LEPR: variants seen among roughly 807,000 people sequenced by gnomAD.
LEPR encodes the protein OB receptor.
Under a neutral mutation model 114.7 loss-of-function variants are expected in LEPR, and 56 were observed. That is an observed-to-expected ratio of 0.49 (90% CI 0.39 to 0.61). LEPR has a LOEUF of 0.61. LEPR is among the 20% of genes least tolerant of loss of function. LEPR has a pLI of 0.00. For missense variants in LEPR, 1,202 were observed against 1,352.9 expected (o/e 0.89, Z 1.75); for synonymous variants, 443 against 461.4 (o/e 0.96, Z 0.51).
At chr1:65,502,991 G>A (rs768475547) in intron 2 of LEPR, among the ~76,000 whole-genome samples, 9 of 151,868 alleles carry the variant, frequency 5.9e-5, no homozygotes, top group Non-Finnish European at 1.3e-4. Context: ...GGGTATGGAT[G>A]AGGGAGGGAG....
At chr1:65,500,403 C>A (rs974320591) in intron 2 of LEPR, among the ~76,000 whole-genome samples, 3 of 152,080 alleles carry the variant, frequency 2.0e-5, no homozygotes, top group South Asian at 4.1e-4. Flanking sequence ...ATACAGTTGA[C>A]CCTTAAACAA....
intron 2 of LEPR, among the ~76,000 whole-genome samples, chr1:65,459,751 A>G (rs1325487033): frequency 6.6e-6 from 1 of 152,176 alleles, no homozygotes; most frequent in Non-Finnish European, 1.5e-5. Flanking sequence ...AGCACCTATA[A>G]TGATTTACTC....
rs758004358 is a variant in LEPR at position 65,592,783 on chromosome 1, C to T, written c.621C>T (p.Asp207=). 10 of 1,613,278 alleles carry T rather than the reference C, an allele frequency of 6.2e-6. No homozygotes were observed. The highest frequency in any genetic ancestry group is 8.5e-6 in the Non-Finnish European group (10 of 1,179,512). ...CTGTGCCAACAGCCAAACTCAACGA[C>T]ACTCTCCTTATGTGTTTGAAAATCA... ...LVPVPTAKLN[D]TLLMCLKITS... Residue 207 remains aspartate (D), a synonymous_variant, in exon 6 of 20, where the codon GAC becomes GAT. Coordinates refer to ENST00000349533, the MANE Select transcript of LEPR (RefSeq NM_002303.6).
chr1:65,559,952 A>G (rs1414477499), intron 2 of LEPR, among the ~76,000 whole-genome samples: 1 of 145,792 alleles, frequency 6.9e-6, no homozygotes, highest in Non-Finnish European at 1.5e-5. Flanking sequence ...TGGTTACTGT[A>G]GCCTTGTAGT....
chr1:65,593,644 T>A (rs1655854552), intron 6 of LEPR, among the ~76,000 whole-genome samples: 1 of 152,104 alleles, frequency 6.6e-6, no homozygotes, highest in African/African-American at 2.4e-5. Context: ...CTGATACAAT[T>A]TTCCATACAA....
intron 16 of LEPR, 127 bp downstream of exon 16, chr1:65,618,273 T>C (rs1657650997): frequency 1.4e-6 from 1 of 708,906 alleles, no homozygotes; most frequent in African/African-American, 1.8e-5. Flanking sequence ...TCCTAATACA[T>C]ATAATCCTAT....
intron 2 of LEPR, among the ~76,000 whole-genome samples, chr1:65,508,378 A>G (rs1648865046): frequency 2.0e-5 from 3 of 152,134 alleles, no homozygotes; most frequent in African/African-American, 2.4e-5. Flanking sequence ...GGATAAGGTA[A>G]TGGTACATTT....
At chr1:65,591,257 T>C (rs1260825170) in intron 5 of LEPR, among the ~76,000 whole-genome samples, 2 of 152,126 alleles carry the variant, frequency 1.3e-5, no homozygotes, top group Non-Finnish European at 2.9e-5. Flanking sequence ...TGGTCTTCCT[T>C]GGTAAATGCT....
intron 2 of LEPR, among the ~76,000 whole-genome samples, chr1:65,429,651 A>G (rs1391028414): frequency 1.3e-5 from 2 of 152,210 alleles, no homozygotes; most frequent in Non-Finnish European, 2.9e-5. Context: ...GTGGCTTCTT[A>G]ACACAATATA....
chr1:65,592,537 TACCC>T (rs1281876117), intron 5 of LEPR, 116 bp from the exon 6 acceptor site: 4 of 959,300 alleles, frequency 4.2e-6, no homozygotes, highest in Admixed American at 2.8e-5. Context: ...TTTTTTCAGA[TACCC>T]TTTAAGCTGG....
chr1:65,601,984 G>C, intron 10 of LEPR, 24 bp downstream of exon 10: 1 of 1,588,496 alleles, frequency 6.3e-7, no homozygotes, highest in Non-Finnish European at 8.6e-7. Flanking sequence ...TTGCTGTTTT[G>C]TTTTTCTGTG....
In LEPR at chr1:65,443,351, C is replaced by G. The variant is rs143284576; in HGVS notation, c.-21+17973C>G. On this transcript the variant is annotated intron_variant, in intron 2 of 19. Coordinates refer to ENST00000349533, the MANE Select transcript of LEPR (RefSeq NM_002303.6). ...GGAGGATCACTTGAGCCCAGGAGTT[C>G]GAGACCTGCCTGAGCAACATAGCAA... Among the ~76,000 whole-genome samples, 789 of 151,926 alleles carry G rather than the reference C, an allele frequency of 5.2e-3. 11 individuals are homozygous for G. Among genetic ancestry groups the G allele is most frequent in the Middle Eastern group, 0.021 (6 of 292 alleles).
intron 2 of LEPR, among the ~76,000 whole-genome samples, chr1:65,445,204 C>T (rs755494174): frequency 4.6e-5 from 7 of 152,152 alleles, no homozygotes; most frequent in Admixed American, 6.5e-5. Flanking sequence ...ATTCTTCTTA[C>T]GGGCAGCACA....
chr1:65,496,397 A>C (rs59968405), intron 2 of LEPR, among the ~76,000 whole-genome samples: 56 of 152,000 alleles, frequency 3.7e-4, no homozygotes, highest in Admixed American at 3.3e-4. Flanking sequence ...AGTTGGCGAA[A>C]CCCTGTCTCT....
At chr1:65,521,976 T>C (rs11581702) in intron 2 of LEPR, among the ~76,000 whole-genome samples, 49,109 of 152,096 alleles carry the variant, frequency 0.32, 10,172 homozygotes, top group Non-Finnish European at 0.46. Context: ...GGTGGACACC[T>C]GTAATCCCAG....
At chr1:65,523,267 A>C (rs760453880) in intron 2 of LEPR, among the ~76,000 whole-genome samples, 12 of 152,122 alleles carry the variant, frequency 7.9e-5, no homozygotes, top group Non-Finnish European at 1.8e-4. Flanking sequence ...CAGGGCAGTT[A>C]TTCTTCAAAA....
At chr1:65,492,461 A>G (rs760976902) in intron 2 of LEPR, among the ~76,000 whole-genome samples, 32 of 152,240 alleles carry the variant, frequency 2.1e-4, no homozygotes, top group Admixed American at 2.6e-4. Flanking sequence ...AACAGCAATA[A>G]TCAAGATAAA....
chr1:65,428,198 A>G (rs994120748), intron 2 of LEPR, among the ~76,000 whole-genome samples: 1 of 152,258 alleles, frequency 6.6e-6, no homozygotes. Flanking sequence ...TATATTTAAT[A>G]TTTACATTTT....
chr1:65,522,162 A>G (rs756752596), intron 2 of LEPR, among the ~76,000 whole-genome samples: 1 of 152,148 alleles, frequency 6.6e-6, no homozygotes, highest in Non-Finnish European at 1.5e-5. Flanking sequence ...AGTCAGTTCA[A>G]CCACAAGCTT....
Sources: allele counts gnomAD v4.1 joint callset (sites outside exome capture counted in the v4.1 genomes callset), GRCh38; gene constraint gnomAD v4.1.1; transcripts MANE v1.5; gene names NCBI Gene and HGNC (gene_info 2026-07-23, HGNC 2026-07-21).